The following WAC variants were observed in gnomAD, a reference collection of about 807,000 sequenced individuals.
WAC encodes the protein WW domain containing adaptor with coiled-coil.
In WAC, 11 loss-of-function variants were observed where a neutral mutation model predicts 79.6. The observed-to-expected ratio is 0.14, with a 90% CI of 0.09 to 0.23. The LOEUF (loss-of-function observed/expected upper bound fraction) is 0.23, where lower values mean the gene tolerates loss of function less well. Among genes scored for constraint, WAC ranks in the 10% least tolerant of loss-of-function variants. WAC has a pLI of 1.00. For synonymous variants in WAC, 304 were observed against 276.9 expected (o/e 1.10, Z -0.97); for missense variants, 728 against 773.5 (o/e 0.94, Z 0.70).
At chr10:28,582,891 CTT>C (rs561089054) in intron 3 of WAC, among the ~76,000 whole-genome samples, 6 of 152,244 alleles carry the variant, frequency 3.9e-5, no homozygotes, top group African/African-American at 7.2e-5. Context: ...CCCTGAGACT[CTT>C]TAACTTCTTG....
intron 4 of WAC, 28 bp downstream of exon 4, chr10:28,583,533 G>A (rs770718848): frequency 8.5e-7 from 1 of 1,182,034 alleles, no homozygotes; most frequent in Non-Finnish European, 1.1e-6. Flanking sequence ...GTCCAATATG[G>A]TTTCTTTGGA....
chr10:28,584,999 C>T (rs1434264491), intron 4 of WAC, among the ~76,000 whole-genome samples: 1 of 151,898 alleles, frequency 6.6e-6, no homozygotes. Context: ...ACCTGGGAGG[C>T]GGAGGTTGCA....
At chr10:28,567,937 T>C (rs1334662051) in intron 3 of WAC, among the ~76,000 whole-genome samples, 1 of 152,068 alleles carries the variant, frequency 6.6e-6, no homozygotes, top group African/African-American at 2.4e-5. Context: ...GGGGTCTCGC[T>C]ATGTTGCCCA....
intron 7 of WAC, among the ~76,000 whole-genome samples, chr10:28,597,321 C>T (rs1840429112): frequency 6.6e-6 from 1 of 152,128 alleles, no homozygotes; most frequent in Admixed American, 6.6e-5. Flanking sequence ...TTCCATAGGA[C>T]ATTTTGGTTT....
chr10:28,587,472 G>C (rs1448267438), intron 4 of WAC, among the ~76,000 whole-genome samples: 2 of 152,204 alleles, frequency 1.3e-5, no homozygotes, highest in African/African-American at 4.8e-5. Flanking sequence ...GTGAAAGGCT[G>C]TTGGGGTTCC....
chr10:28,576,757 A>G (rs541744061), intron 3 of WAC, among the ~76,000 whole-genome samples: 12 of 152,338 alleles, frequency 7.9e-5, no homozygotes, highest in African/African-American at 2.9e-4. Flanking sequence ...ACTAAATATC[A>G]GCTCACCTTC....
chr10:28,597,936 C>G (rs1840463711), intron 7 of WAC, among the ~76,000 whole-genome samples: 1 of 152,146 alleles, frequency 6.6e-6, no homozygotes, highest in Non-Finnish European at 1.5e-5. Flanking sequence ...TTCAGGTCAT[C>G]TCTCTCCGTT....
At chr10:28,563,744 CTTTTTTTTTTTTTT>C (rs71281550) in intron 3 of WAC, among the ~76,000 whole-genome samples, 29 of 67,910 alleles carry the variant, frequency 4.3e-4, no homozygotes, top group East Asian at 9.6e-4. Context: ...CTACACCCAG[CTTTTTTTTTTTTTT>C]TTTTTTTTTT....
chr10:28,550,906 A>G (rs1161952780), intron 3 of WAC, among the ~76,000 whole-genome samples: 1 of 152,240 alleles, frequency 6.6e-6, no homozygotes, highest in East Asian at 1.9e-4. Flanking sequence ...TGTCCGTTGC[A>G]TTAGTATAAT....
chr10:28,611,493 T>C, intron 9 of WAC: 1 of 1,373,742 alleles, frequency 7.3e-7, no homozygotes, highest in Non-Finnish European at 9.5e-7. Flanking sequence ...TGAGGAGGCC[T>C]TCCATGTGAG....
chr10:28,609,825 G>T (rs770840036), intron 8 of WAC, among the ~76,000 whole-genome samples: 8 of 151,882 alleles, frequency 5.3e-5, no homozygotes, highest in Non-Finnish European at 1.0e-4. Context: ...GGTAAGCTGT[G>T]ATTGCACAAC....
chr10:28,540,206 A>G (rs566476151), intron 3 of WAC, among the ~76,000 whole-genome samples: 1 of 152,370 alleles, frequency 6.6e-6, no homozygotes, highest in South Asian at 2.1e-4. Context: ...TTGGAAGACA[A>G]CAGATAGTAT....
chr10:28,591,422 C>T (rs550147936), intron 6 of WAC: 2 of 152,254 alleles, frequency 1.3e-5, no homozygotes, highest in Admixed American at 6.5e-5. Context: ...TCTATAAAAC[C>T]GTGGGCATAC....
chr10:28,542,163 T>C (rs2132355145), intron 3 of WAC, among the ~76,000 whole-genome samples: 1 of 152,362 alleles, frequency 6.6e-6, no homozygotes, highest in South Asian at 2.1e-4. Flanking sequence ...TTTCTCCTAC[T>C]GTGCTCACTC....
chr10:28,591,171 A>G (rs182656887), intron 6 of WAC: 98 of 234,900 alleles, frequency 4.2e-4, no homozygotes, highest in African/African-American at 2.1e-3. Context: ...GTTGTGTCCT[A>G]TTAAACTGGA....
intron 3 of WAC, among the ~76,000 whole-genome samples, chr10:28,581,377 C>T (rs571443042): frequency 2.5e-4 from 37 of 150,776 alleles, no homozygotes; most frequent in African/African-American, 8.8e-4. Context: ...AGCCACTGTG[C>T]CTGGCCTCAG....
intron 4 of WAC, among the ~76,000 whole-genome samples, chr10:28,586,150 T>G (rs1372304352): frequency 6.6e-6 from 1 of 152,018 alleles, no homozygotes; most frequent in Non-Finnish European, 1.5e-5. Context: ...AAAAGTTGGC[T>G]TTAGAGTTAT....
chr10:28,614,697 T>C lies in WAC; in HGVS notation c.1556+12T>C, dbSNP rs200619173. ...CTTCAGCGCTCAAGGTAGGTTGATA[T>C]TGTATATTGAGACCACATTGTTTTA... On this transcript the variant is annotated intron_variant, in intron 11 of 13. Coordinates refer to ENST00000354911, the MANE Select transcript of WAC (RefSeq NM_016628.5). 5.3e-5 allele frequency: 85 copies of C among 1,590,134 alleles called. 1 individual carries two copies. In the East Asian group the frequency reaches 1.5e-3, roughly 28 times the overall value.
chr10:28,583,071 C>T (rs1475122299), intron 3 of WAC, among the ~76,000 whole-genome samples: 1 of 152,044 alleles, frequency 6.6e-6, no homozygotes, highest in African/African-American at 2.4e-5. Flanking sequence ...CATTGTACTT[C>T]TATTTTTGTC....
Sources: allele counts gnomAD v4.1 joint callset (sites outside exome capture counted in the v4.1 genomes callset), GRCh38; gene constraint gnomAD v4.1.1; transcripts MANE v1.5; gene names NCBI Gene and HGNC (gene_info 2026-07-23, HGNC 2026-07-21).